The following RADIL variants were observed in gnomAD, a reference collection of about 807,000 sequenced individuals.
RADIL encodes Rap associating with DIL domain, also known as ras-associating and dilute domain-containing protein.
In RADIL, 99 loss-of-function variants were observed where a neutral mutation model predicts 97.6. That is an observed-to-expected ratio of 1.01 (90% confidence interval 0.86 to 1.20). The LOEUF is 1.20. Ranked by LOEUF, RADIL falls within the 50% of genes most tolerant of loss-of-function variation. The pLI, the probability that RADIL is intolerant of heterozygous loss-of-function variation, is 0.00. For missense variants in RADIL, 1,765 were observed against 1,498.9 expected (o/e 1.18, Z -2.93); for synonymous variants, 803 against 691.8 (o/e 1.16, Z -2.52).
chr7:4,800,572 G>A (rs1782049511), intron 12 of RADIL, among the ~76,000 whole-genome samples: 1 of 152,068 alleles, frequency 6.6e-6, no homozygotes, highest in South Asian at 2.1e-4. Flanking sequence ...GCCCCTCTGG[G>A]GGCGGCTGTT....
Position 4,878,338 on chromosome 7 carries a change from G to C in RADIL, c.-64-135C>G. 1.6e-6 allele frequency: 1 copy of C among 620,016 alleles called. No individual in the cohort carries two copies. The highest frequency in any genetic ancestry group is 2.1e-5 in the South Asian group (1 of 47,842). 38.4% of individuals were successfully genotyped at this position (620,016 alleles called of 1,614,324 possible). A position where few individuals can be genotyped will look rare whatever the true frequency, so the allele number is the denominator to read the frequency against. ...GTGGGAGGACGGCTTGAGCCCGGGA[G>C]TTCCAGACCAGCCTGGGAAACATAG... is the stretch of plus-strand genomic sequence containing the variant. On this transcript the variant is annotated intron_variant, in intron 1 of 14. Coordinates refer to ENST00000399583, the MANE Select transcript of RADIL (RefSeq NM_018059.5). The surrounding 1 kb of genome is among the most constrained non-coding windows in gnomAD (Gnocchi z 4.1).
intron 9 of RADIL, 145 bp from the exon 10 acceptor site, chr7:4,805,861 G>GCC: frequency 7.2e-7 from 1 of 1,392,964 alleles, no homozygotes; most frequent in Non-Finnish European, 9.3e-7. Flanking sequence ...CTGTGAGGGG[G>GCC]ACGGTGTCAC....
intron 5 of RADIL, among the ~76,000 whole-genome samples, chr7:4,826,114 A>AG (rs1782968600): frequency 6.6e-6 from 1 of 151,888 alleles, no homozygotes; most frequent in African/African-American, 2.4e-5. Flanking sequence ...AGGCTGAGGC[A>AG]GGGGGATCAC....
Position 4,817,789 on chromosome 7 carries a change from T to C in RADIL, c.1616-438A>G, listed in dbSNP as rs548811871. On this transcript the variant is annotated intron_variant, in intron 6 of 14. Transcript: ENST00000399583. This position sits in a 1 kb window ranked among gnomAD's most constrained non-coding sequence, Gnocchi z 8.3. ...CCGCCACTCTGTGGAATCATAAGTC[T>C]TTTGGGAAGAAAAAGCCCAAATCAG... is the stretch of plus-strand genomic sequence containing the variant. Among the ~76,000 whole-genome samples the C allele has an allele frequency of 5.3e-5, 8 of 152,280 alleles. No homozygotes were observed. Among genetic ancestry groups the C allele is most frequent in the Admixed American group, 4.6e-4 (7 of 15,304 alleles).
intron 9 of RADIL, among the ~76,000 whole-genome samples, chr7:4,810,657 G>A (rs541262356): frequency 6.6e-6 from 1 of 152,368 alleles, no homozygotes; most frequent in East Asian, 1.9e-4. Context: ...ATCTCCGTCG[G>A]GGAAATTGCT....
chr7:4,798,920 CT>C lies in RADIL; in HGVS notation c.*457del, dbSNP rs1781987490. The C allele has an allele frequency of 5.8e-6, 1 of 173,818 alleles. No individual in the cohort carries two copies. The highest frequency in any genetic ancestry group is 1.2e-5 in the Non-Finnish European group (1 of 80,392). 10.8% of individuals were successfully genotyped at this position (173,818 alleles called of 1,614,324 possible). A position where few individuals can be genotyped will look rare whatever the true frequency, so the allele number is the denominator to read the frequency against. ...CAGCTGGGAGGGGCTGTTGGAGCTG[CT>C]TCCTGCAGTGCCCTGTGTCTGGGTG... On this transcript the variant is annotated 3_prime_UTR_variant, in exon 15 of 15. Coordinates refer to ENST00000399583, the MANE Select transcript of RADIL (RefSeq NM_018059.5).
chr7:4,859,912 T>C (rs772286553), intron 2 of RADIL: 3 of 1,608,592 alleles, frequency 1.9e-6, no homozygotes, highest in African/African-American at 1.3e-5. Context: ...GGATTAGATA[T>C]GTTTGTTGCT....
rs540301436 is a variant in RADIL, at chr7:4,801,599, G to C, written c.2842+54C>G. The C allele has an allele frequency of 4.2e-4, 643 of 1,517,032 alleles. 3 individuals carry two copies. The Middle Eastern group carries it at 4.6e-3, about 11-fold the overall frequency. 94.0% of individuals were successfully genotyped at this position (1,517,032 alleles called of 1,614,324 possible). On this transcript the variant is annotated intron_variant, in intron 12 of 14. Transcript: ENST00000399583. ...ACGATCCCAGGGGACCGGCCATCAGGGTGCTGTGCGGGGTCTGGGGTGGGT... is the reference window on the plus strand; with the variant it reads ...ACGATCCCAGGGGACCGGCCATCAGCGTGCTGTGCGGGGTCTGGGGTGGGT...
At chr7:4,855,463 C>T (rs200124089) in intron 2 of RADIL, among the ~76,000 whole-genome samples, 15 of 152,152 alleles carry the variant, frequency 9.9e-5, no homozygotes, top group African/African-American at 9.6e-5. Context: ...CTAATTGGAA[C>T]GCAGAGTGTG....
In RADIL at chr7:4,840,734, C is replaced by T. The variant is rs545990514; in HGVS notation, c.536-4129G>A. The stretch of plus-strand genomic sequence containing the variant: ...CTGTAATCCCAGCACTTTGGGAGGC[C>T]GAGGCAGGTGGATCACGAGGTCAAG... On this transcript the variant is annotated intron_variant, in intron 2 of 14. Coordinates refer to ENST00000399583, the MANE Select transcript of RADIL (RefSeq NM_018059.5). This position sits in a 1 kb window ranked among gnomAD's most constrained non-coding sequence, Gnocchi z 5.6. 2.3e-3 allele frequency among the ~76,000 whole-genome samples: 344 copies of T among 152,202 alleles called. 1 individual carries two copies. Among genetic ancestry groups the T allele is most frequent in the African/African-American group, 7.8e-3 (322 of 41,534 alleles).
At position 4,822,656 on chromosome 7, in the gene RADIL, GACA is replaced by G. The variant is rs1203306326; in HGVS notation, c.1455-105_1455-103del. 5.6e-5 allele frequency: 73 copies of G among 1,311,882 alleles called. 2 individuals are homozygous for G. In the South Asian group the frequency reaches 8.7e-4, roughly 16 times the overall value. The allele number at this position is 1,311,882 out of a possible 1,614,324, so 81.3% of individuals were successfully genotyped here. On this transcript the variant is annotated intron_variant, in intron 5 of 14. Coordinates refer to ENST00000399583, the MANE Select transcript of RADIL (RefSeq NM_018059.5). The surrounding 1 kb of genome is among the most constrained non-coding windows in gnomAD (Gnocchi z 5.3). ...AGGATGCGCGTTTTCATGGGACGCT[GACA>G]ACAACTGCAACCATCAACCTGACAC...
Position 4,867,058 on chromosome 7 carries a change from C to A in RADIL, c.535+10547G>T, listed in dbSNP as rs764871567. Among the ~76,000 whole-genome samples the A allele has an allele frequency of 4.6e-5, 7 of 152,174 alleles. No homozygotes were observed. The highest frequency in any genetic ancestry group is 2.0e-4 in the Admixed American group (3 of 15,278). ...GCAGCACAGAAGCCCTCACCAGAAG[C>A]CAGGGCCGTGCCCTGGAACTTCTCA... On this transcript the variant is annotated intron_variant, in intron 2 of 14. Coordinates refer to ENST00000399583, the MANE Select transcript of RADIL (RefSeq NM_018059.5). The surrounding 1 kb of genome is among the most constrained non-coding windows in gnomAD (Gnocchi z 4.1).
intron 9 of RADIL, chr7:4,809,526 G>A (rs1782474986): frequency 2.0e-6 from 2 of 985,270 alleles, no homozygotes; most frequent in South Asian, 9.4e-5. Context: ...CGTGGGCGGC[G>A]GCTGCTCGGG....
chr7:4,824,887 G>A lies in RADIL; in HGVS notation c.1455-2333C>T, dbSNP rs370634672. ...GCCCTTCTCAATTTCACCGGAACCCGGAGGGTAGACAGGCCTGTCCCAGGA... is the reference window on the plus strand; with the variant it reads ...GCCCTTCTCAATTTCACCGGAACCCAGAGGGTAGACAGGCCTGTCCCAGGA... On this transcript the variant is annotated intron_variant, in intron 5 of 14. Coordinates refer to ENST00000399583, the MANE Select transcript of RADIL (RefSeq NM_018059.5). This position sits in a 1 kb window ranked among gnomAD's most constrained non-coding sequence, Gnocchi z 6.7. Among the ~76,000 whole-genome samples the A allele has an allele frequency of 1.1e-4, 16 of 152,224 alleles. No homozygotes were observed. The highest frequency in any genetic ancestry group is 2.9e-4 in the African/African-American group (12 of 41,448).
chr7:4,801,132 C>T (rs1782069827), intron 12 of RADIL, among the ~76,000 whole-genome samples: 1 of 151,506 alleles, frequency 6.6e-6, no homozygotes, highest in African/African-American at 2.4e-5. Context: ...GCAGACACAC[C>T]CATGCAGAGA....
At chr7:4,875,392 CA>C (rs1318111005) in intron 2 of RADIL, among the ~76,000 whole-genome samples, 2,537 of 138,166 alleles carry the variant, frequency 0.018, 62 homozygotes, top group African/African-American at 0.056. Flanking sequence ...GACTCCATCT[CA>C]AAAAAAAAAA....
At chr7:4,861,364 AG>A in intron 2 of RADIL, 1 of 1,614,164 alleles carries the variant, frequency 6.2e-7, no homozygotes, top group Non-Finnish European at 8.5e-7. Flanking sequence ...CCTCCTCGAC[AG>A]CCCTTAAATC....
intron 2 of RADIL, among the ~76,000 whole-genome samples, chr7:4,874,711 C>T (rs1188161166): frequency 6.6e-6 from 1 of 152,218 alleles, no homozygotes; most frequent in African/African-American, 2.4e-5. Flanking sequence ...AGGCTGTGAG[C>T]AGGGGTGCTT....
intron 2 of RADIL, among the ~76,000 whole-genome samples, chr7:4,845,896 G>T (rs550064101): frequency 2.6e-4 from 39 of 152,276 alleles, no homozygotes; most frequent in African/African-American, 7.0e-4. Context: ...GCAGCGTGGC[G>T]TAACCGAGAA....
Sources: allele counts gnomAD v4.1 joint callset (sites outside exome capture counted in the v4.1 genomes callset), GRCh38; gene constraint gnomAD v4.1.1; non-coding constraint Gnocchi (gnomAD v3.1); transcripts MANE v1.5; gene names NCBI Gene and HGNC (gene_info 2026-07-23, HGNC 2026-07-21).